CEP164: variants seen among roughly 807,000 people sequenced by gnomAD.
The protein encoded by CEP164 is centrosomal protein 164.
CEP164 carries 162 observed loss-of-function variants against 182.7 expected under a neutral mutation model. That is an observed-to-expected ratio of 0.89 (90% CI 0.78 to 1.01). The LOEUF (loss-of-function observed/expected upper bound fraction) is 1.01. CEP164 is among the 50% of genes least tolerant of loss of function. The pLI, the probability that CEP164 is intolerant of heterozygous loss-of-function variation, is 0.00. For missense variants in CEP164, 1,735 were observed against 1,790.4 expected, an observed-to-expected ratio of 0.97 and a Z score of 0.56; for synonymous variants, 661 against 690.0, an observed-to-expected ratio of 0.96 and a Z score of 0.66.
chr11:117,341,243 C>T (rs1194487038), intron 3 of CEP164, among the ~76,000 whole-genome samples: 1 of 152,158 alleles, frequency 6.6e-6, no homozygotes, highest in African/African-American at 2.4e-5. Context: ...TGTAGGCATT[C>T]TAACCTCAAG....
chr11:117,393,451 G>A (rs1001617871), intron 20 of CEP164, among the ~76,000 whole-genome samples: 1 of 152,186 alleles, frequency 6.6e-6, no homozygotes, highest in African/African-American at 2.4e-5. Context: ...CATTGAGCTT[G>A]TACTGTGTGC....
chr11:117,358,739 GC>G (rs1430468081), intron 5 of CEP164, among the ~76,000 whole-genome samples: 1 of 151,940 alleles, frequency 6.6e-6, no homozygotes, highest in Non-Finnish European at 1.5e-5. Flanking sequence ...TTACTGTGTT[GC>G]CCAGACTGGT....
chr11:117,386,301 C>T (rs1394654531), intron 14 of CEP164: 1 of 152,206 alleles, frequency 6.6e-6, no homozygotes, highest in African/African-American at 2.4e-5. Context: ...ATGGTTTCCT[C>T]ATGCTTTATC....
chr11:117,362,477 T>C lies in CEP164; in HGVS notation c.626T>C (p.Leu209Pro), dbSNP rs761344633. 6.2e-7 allele frequency: 1 copy of C among 1,613,860 alleles called. No homozygotes were observed. Among genetic ancestry groups the C allele is most frequent in the Non-Finnish European group, 8.5e-7 (1 of 1,179,980 alleles). The change falls in exon 7 of 33, where the codon CTC becomes CCC. Residue 209 changes from leucine (L) to proline (P), a missense_variant. Transcript: ENST00000278935. ...LGSIYEDKTALSLLGLGEETN... is the reference protein window; with the variant it reads ...LGSIYEDKTAPSLLGLGEETN... ...TCCATATATGAGGACAAGACTGCTC[T>C]CAGCCTCTTGGGTTTAGGAGAAGAA...
At chr11:117,354,452 G>C (rs552490575) in intron 5 of CEP164, among the ~76,000 whole-genome samples, 1 of 152,182 alleles carries the variant, frequency 6.6e-6, no homozygotes, top group Non-Finnish European at 1.5e-5. Context: ...TTCCTCTATA[G>C]AGGTCCAGCT....
chr11:117,375,856 C>A, intron 11 of CEP164, 65 bp downstream of exon 11: 2 of 1,412,738 alleles, frequency 1.4e-6, no homozygotes, highest in Non-Finnish European at 2.0e-6. Flanking sequence ...TTTCGGATGA[C>A]CCAGAACTGA....
intron 5 of CEP164, chr11:117,356,186 A>G: frequency 2.8e-6 from 3 of 1,065,772 alleles, no homozygotes; most frequent in Non-Finnish European, 3.4e-6. Context: ...CATGTCCCAC[A>G]TGCAGAGCCC....
chr11:117,390,541 C>T (rs552736420), intron 15 of CEP164, among the ~76,000 whole-genome samples: 40 of 150,884 alleles, frequency 2.7e-4, no homozygotes, highest in Non-Finnish European at 3.5e-4. Context: ...GATGCTGAGG[C>T]GAGAGGATTG....
intron 4 of CEP164, among the ~76,000 whole-genome samples, chr11:117,351,117 C>G (rs980114381): frequency 6.6e-6 from 1 of 152,190 alleles, no homozygotes; most frequent in Non-Finnish European, 1.5e-5. Context: ...ACTGCAACCT[C>G]CGACTCCCAG....
At chr11:117,340,354 T>C (rs943328149) in intron 3 of CEP164, among the ~76,000 whole-genome samples, 1 of 152,200 alleles carries the variant, frequency 6.6e-6, no homozygotes, top group African/African-American at 2.4e-5. Context: ...ACTATGCAAT[T>C]ATTTGGAGTG....
chr11:117,408,737 C>T, intron 28 of CEP164, 153 bp from the exon 29 acceptor site: 8 of 912,846 alleles, frequency 8.8e-6, no homozygotes, highest in Non-Finnish European at 1.1e-5. Context: ...ATGGAGATGG[C>T]CATATTTCAT....
chr11:117,337,209 T>C (rs993240231), intron 2 of CEP164, among the ~76,000 whole-genome samples: 3 of 152,106 alleles, frequency 2.0e-5, no homozygotes, highest in Admixed American at 1.3e-4. Context: ...GTTCCTGTCT[T>C]GCAGACAGCT....
In CEP164 at chr11:117,408,949, C is replaced by T; in HGVS notation, c.3669C>T (p.Leu1223=). ...SPTKKAVTFD[L]SDMDSLSSES... ...CCAAGAAGGCAGTAACCTTCGACCT[C>T]AGTGACATGGACAGCCTGAGCAGTG... The change falls in exon 29 of 33, where the codon CTC becomes CTT. Residue 1223 remains leucine, a synonymous_variant. Transcript: ENST00000278935. 1.9e-6 allele frequency: 3 copies of T among 1,614,094 alleles called. No homozygotes were observed. The South Asian group carries it at 3.3e-5, about 18-fold the overall frequency.
intron 27 of CEP164, among the ~76,000 whole-genome samples, chr11:117,407,576 C>T (rs1026602186): frequency 4.0e-5 from 6 of 151,650 alleles, no homozygotes; most frequent in African/African-American, 1.2e-4. Context: ...TTGCCTGAGC[C>T]CAGGAAGTTG....
At position 117,411,063 on chromosome 11, in the gene CEP164, C is replaced by T. The variant is rs2047295852; in HGVS notation, c.4163+169C>T. The T allele has an allele frequency of 1.6e-6, 1 of 615,280 alleles. No individual in the cohort carries two copies. The highest frequency in any genetic ancestry group is 2.9e-6 in the Non-Finnish European group (1 of 344,796). The allele number at this position is 615,280 out of a possible 1,614,324, so 38.1% of individuals were successfully genotyped here. On this transcript the variant is annotated intron_variant, in intron 31 of 32. Coordinates refer to ENST00000278935, the MANE Select transcript of CEP164 (RefSeq NM_014956.5). The surrounding 1 kb of genome is among the most constrained non-coding windows in gnomAD (Gnocchi z 4.4). ...TCCCCGCTTGCCTGGGTCTGAGGCG[C>T]CCCTCCATGACCAGGGGAAAGTCAA...
At chr11:117,333,656 G>A (rs1379629831) in intron 1 of CEP164, among the ~76,000 whole-genome samples, 2 of 151,968 alleles carry the variant, frequency 1.3e-5, no homozygotes, top group African/African-American at 4.8e-5. Flanking sequence ...AGTCTCCCCT[G>A]TAGCTGGGAC....
intron 4 of CEP164, among the ~76,000 whole-genome samples, chr11:117,350,109 A>G (rs1373481569): frequency 1.3e-5 from 2 of 151,878 alleles, no homozygotes; most frequent in Non-Finnish European, 2.9e-5. Flanking sequence ...GGATTTCACC[A>G]TGTTGATCAG....
chr11:117,375,925 A>G (rs542247678), intron 11 of CEP164, 134 bp downstream of exon 11: 112 of 736,396 alleles, frequency 1.5e-4, no homozygotes, highest in Non-Finnish European at 1.9e-4. Context: ...TCATTAAGGC[A>G]TGGTCCTGAC....
intron 5 of CEP164, among the ~76,000 whole-genome samples, chr11:117,357,609 A>G (rs2040454186): frequency 6.6e-6 from 1 of 151,818 alleles, no homozygotes; most frequent in Non-Finnish European, 1.5e-5. Context: ...TTTAGCAGAG[A>G]CGGAGTTTTG....
Sources: allele counts gnomAD v4.1 joint callset (sites outside exome capture counted in the v4.1 genomes callset), GRCh38; gene constraint gnomAD v4.1.1; non-coding constraint Gnocchi (gnomAD v3.1); transcripts MANE v1.5; gene names NCBI Gene and HGNC (gene_info 2026-07-23, HGNC 2026-07-21).